The following MYCBPAP variants were observed in gnomAD, a reference collection of about 807,000 sequenced individuals.
MYCBPAP encodes the protein MYCBP-associated protein.
In MYCBPAP, 60 loss-of-function variants were observed where a neutral mutation model predicts 106.1. The ratio of observed to expected loss-of-function variants is 0.57; its 90% CI spans 0.46 to 0.70. MYCBPAP has a LOEUF of 0.70. Among genes scored for constraint, MYCBPAP ranks in the 30% least tolerant of loss-of-function variants. The pLI is 0.00. For synonymous variants in MYCBPAP, 407 were observed against 440.6 expected (o/e 0.92, Z 0.95); for missense variants, 1,064 against 1,169.3 (o/e 0.91, Z 1.31).
At chr17:50,528,875 G>A in intron 17 of MYCBPAP, 35 bp downstream of exon 17, 1 of 1,610,580 alleles carries the variant, frequency 6.2e-7, no homozygotes, top group Non-Finnish European at 8.5e-7. Flanking sequence ...AGGTGGGGCT[G>A]GGGAGGGGAT....
intron 15 of MYCBPAP, among the ~76,000 whole-genome samples, 176 bp downstream of exon 15, chr17:50,527,584 G>A (rs2034502646): frequency 6.6e-6 from 1 of 152,220 alleles, no homozygotes; most frequent in South Asian, 2.1e-4. Flanking sequence ...GCTCACTGGA[G>A]AGCAGTCACA....
intron 18 of MYCBPAP, among the ~76,000 whole-genome samples, chr17:50,530,499 A>AAAAAAAAAAAAAAAAG (rs1274866693): frequency 1.3e-5 from 2 of 150,688 alleles, no homozygotes; most frequent in Non-Finnish European, 3.0e-5. Flanking sequence ...CTTACCTCCA[A>AAAAAAAAAAAAAAAAG]AAAAAAAGAA....
chr17:50,525,074 G>T, intron 13 of MYCBPAP, 51 bp downstream of exon 13: 1 of 1,570,044 alleles, frequency 6.4e-7, no homozygotes, highest in East Asian at 2.3e-5. Context: ...TGCGTCAAGG[G>T]TCCCCAACCC....
intron 1 of MYCBPAP, among the ~76,000 whole-genome samples, chr17:50,511,642 C>A (rs545238848): frequency 1.8e-4 from 27 of 152,196 alleles, no homozygotes; most frequent in African/African-American, 6.3e-4. Flanking sequence ...GACTGACTAC[C>A]CCGTGCAAGC....
intron 1 of MYCBPAP, chr17:50,510,499 G>GTATATATATATA (rs3063016): frequency 8.2e-4 from 63 of 76,416 alleles, no homozygotes; most frequent in South Asian, 2.3e-3. Flanking sequence ...GTGTGTGTGT[G>GTATATATATATA]TATATATATA....
chr17:50,517,241 T>C (rs2034084334), intron 2 of MYCBPAP, 52 bp from the exon 3 acceptor site: 6 of 1,547,156 alleles, frequency 3.9e-6, no homozygotes, highest in Non-Finnish European at 5.4e-6. Context: ...TGGGTGGTGC[T>C]CTTCCTCCTG....
At position 50,519,741 on chromosome 17, in the gene MYCBPAP, G is replaced by A; in HGVS notation, c.870G>A (p.Glu290=). The change falls in exon 7 of 19, where the codon GAG becomes GAA. Residue 290 remains glutamate (E), a synonymous_variant. Transcript: ENST00000323776. ...TKTKTQRGLM[E]PITHIRKPHS... is the part of the protein sequence containing the mutation. ...CAAAAACTCAGCGTGGCCTCATGGA[G>A]CCCATCACTCACATCAGGAAGCCCC... is the stretch of plus-strand genomic sequence containing the variant. 1.2e-6 allele frequency: 2 copies of A among 1,614,080 alleles called. No individual in the cohort carries two copies. The highest frequency in any genetic ancestry group is 1.7e-6 in the Non-Finnish European group (2 of 1,180,010).
intron 1 of MYCBPAP, chr17:50,514,936 C>A (rs1016259293): frequency 4.4e-6 from 2 of 452,892 alleles, no homozygotes; most frequent in African/African-American, 4.0e-5. Context: ...CCTTGGCATG[C>A]CATTGCCCAT....
At chr17:50,526,578 C>T (rs1006779568) in intron 14 of MYCBPAP, among the ~76,000 whole-genome samples, 69 of 123,212 alleles carry the variant, frequency 5.6e-4, no homozygotes, top group African/African-American at 2.2e-3. Context: ...GCATGTGCCA[C>T]CACACCTGGC....
At chr17:50,510,199 T>C (rs2033776195) in intron 1 of MYCBPAP, 1 of 152,058 alleles carries the variant, frequency 6.6e-6, no homozygotes, top group Non-Finnish European at 1.5e-5. Flanking sequence ...TTAGTCGCTT[T>C]TCAGTATGGC....
At position 50,527,401 on chromosome 17, in the gene MYCBPAP, C is replaced by A. The variant is rs1329704201; in HGVS notation, c.2284C>A (p.Gln762Lys). Residue 762 changes from glutamine to lysine, a missense_variant, in exon 15 of 19, where the codon CAG becomes AAG. Transcript: ENST00000323776. ...GCCATTGCAGTCCAACCTCCTGCACCAGATGTGGTAGGTGCCCTGCCAGGA... is the reference window on the plus strand; with the variant it reads ...GCCATTGCAGTCCAACCTCCTGCACAAGATGTGGTAGGTGCCCTGCCAGGA... ...PRPLQSNLLH[Q>K]MCLQLWRDVI... 1 of 1,613,976 alleles carries A rather than the reference C, an allele frequency of 6.2e-7. No individual in the cohort carries two copies.
chr17:50,525,746 T>G, intron 13 of MYCBPAP, 135 bp from the exon 14 acceptor site: 2 of 1,071,942 alleles, frequency 1.9e-6, no homozygotes, highest in Non-Finnish European at 2.7e-6. Flanking sequence ...CTACCGTGGC[T>G]TCCCAAAGCA....
chr17:50,511,361 CTCCTAGCAATAT>C (rs2033841639), intron 1 of MYCBPAP, among the ~76,000 whole-genome samples: 1 of 152,114 alleles, frequency 6.6e-6, no homozygotes, highest in African/African-American at 2.4e-5. Flanking sequence ...ACCAAGAACC[CTCCTAGCAATAT>C]TAGATTCCCC....
chr17:50,508,591 G>C lies in MYCBPAP; in HGVS notation c.-84G>C. ...CACCGGTTGCTGTGGACGCAGTGGC[G>C]GCCGTTGGCTGGCGGGTGCGGCGCA... On this transcript the variant is annotated 5_prime_UTR_variant, in exon 1 of 19. Transcript: ENST00000323776. 6.4e-7 allele frequency: 1 copy of C among 1,556,074 alleles called. No homozygotes were observed. Among genetic ancestry groups the C allele is most frequent in the Non-Finnish European group, 8.7e-7 (1 of 1,149,156 alleles).
At chr17:50,528,560 T>C in intron 16 of MYCBPAP, 135 bp from the exon 17 acceptor site, 1 of 1,186,054 alleles carries the variant, frequency 8.4e-7, no homozygotes, top group Admixed American at 2.6e-5. Flanking sequence ...TCCTGTTTCA[T>C]GAAGCCACGC....
chr17:50,516,446 G>T, intron 1 of MYCBPAP, 124 bp from the exon 2 acceptor site: 2 of 1,194,822 alleles, frequency 1.7e-6, no homozygotes, highest in Non-Finnish European at 1.1e-6. Context: ...TATCTATCCA[G>T]CTGGTCAGCT....
intron 1 of MYCBPAP, among the ~76,000 whole-genome samples, chr17:50,513,114 A>G (rs1287142131): frequency 6.8e-6 from 1 of 148,146 alleles, no homozygotes; most frequent in Non-Finnish European, 1.5e-5. Context: ...ACTACTTGGG[A>G]GGCTGAGGCA....
chr17:50,528,418 C>T (rs560874238), intron 16 of MYCBPAP, 148 bp downstream of exon 16: 22 of 815,724 alleles, frequency 2.7e-5, no homozygotes, highest in East Asian at 1.3e-4. Flanking sequence ...CCCTTTCTGT[C>T]CGCTGCCAGG....
chr17:50,521,115 C>T lies in MYCBPAP; in HGVS notation c.922C>T (p.Pro308Ser), dbSNP rs773304137. The T allele has an allele frequency of 1.9e-6, 3 of 1,611,722 alleles. No individual in the cohort carries two copies. The South Asian group carries it at 3.3e-5, about 18-fold the overall frequency. ...PHSIRVETGL[P>S]AQRDASYRYT... is the part of the protein sequence containing the mutation. ...GTCCTTGGACCTCATGCTAGGATTA[C>T]CAGCCCAGAGGGACGCTTCATACCG... Residue 308 changes from proline (P) to serine (S), a missense_variant, in exon 8 of 19, where the codon CCA becomes TCA. Pro to Ser is a moderately conservative substitution (Grantham distance 74). Transcript: ENST00000323776.
Sources: gnomAD v4.1 joint callset for allele counts (sites outside exome capture counted in the v4.1 genomes callset) on GRCh38, gnomAD v4.1.1 for gene constraint, MANE v1.5 for transcripts, NCBI Gene and HGNC (gene_info 2026-07-23, HGNC 2026-07-21) for gene names.